Variants in ELFN1 observed in about 807,000 individuals in gnomAD.
The protein encoded by ELFN1 is extracellular leucine rich repeat and fibronectin type III domain containing 1.
In ELFN1, 6 loss-of-function variants were observed where a neutral mutation model predicts 7.6. The observed-to-expected ratio is 0.79, with a 90% confidence interval of 0.43 to 1.56. The LOEUF is 1.56. ELFN1 is among the 40% of genes most tolerant of loss of function. ELFN1 has a pLI of 0.01. For missense variants in ELFN1, 1,169 were observed against 1,232.2 expected (o/e 0.95, Z 0.77); for synonymous variants, 657 against 588.1 (o/e 1.12, Z -1.70).
intron 1 of ELFN1, among the ~76,000 whole-genome samples, chr7:1,676,642 C>T (rs183557773): frequency 3.9e-5 from 6 of 152,236 alleles, no homozygotes; most frequent in South Asian, 2.1e-4. Flanking sequence ...TCGGTCCCTG[C>T]GTCCCTCTGT....
At chr7:1,693,318 G>C (rs935416012) in intron 2 of ELFN1, 1 of 459,200 alleles carries the variant, frequency 2.2e-6, no homozygotes, top group Non-Finnish European at 4.6e-6. Context: ...GCCTCAGAAA[G>C]TGCCCGATTC....
At chr7:1,692,659 G>A (rs997387156) in intron 2 of ELFN1, among the ~76,000 whole-genome samples, 8 of 152,278 alleles carry the variant, frequency 5.3e-5, no homozygotes, top group Non-Finnish European at 1.2e-4. Context: ...CCTGCCGGCT[G>A]CACCTGCCCC....
At chr7:1,707,272 G>A (rs575843499) in intron 2 of ELFN1, among the ~76,000 whole-genome samples, 27 of 152,324 alleles carry the variant, frequency 1.8e-4, no homozygotes, top group South Asian at 1.2e-3. Flanking sequence ...CTGGAAATCC[G>A]CGTCCTGGCC....
At chr7:1,671,677 C>G (rs1205037300) in intron 1 of ELFN1, among the ~76,000 whole-genome samples, 4 of 152,258 alleles carry the variant, frequency 2.6e-5, no homozygotes, top group African/African-American at 9.6e-5. Context: ...TGAAAAGCAT[C>G]AACATGCTCC....
At position 1,744,794 on chromosome 7, in the gene ELFN1, G is replaced by T. The variant is rs1471526957; in HGVS notation, c.198G>T (p.Arg66=). Residue 66 remains arginine, a synonymous_variant, in exon 4 of 4, where the codon CGG becomes CGT. Transcript: ENST00000424383. ...QQINSTIVDL[R]LNENRIRSVQ... ...TCAACAGCACCATCGTGGACCTGCG[G>T]CTCAACGAGAACCGTATCCGCAGCG... is the stretch of plus-strand genomic sequence containing the variant. The T allele has an allele frequency of 1.3e-6, 2 of 1,557,170 alleles. No homozygotes were observed. The highest frequency in any genetic ancestry group is 2.7e-5 in the African/African-American group (2 of 73,396).
chr7:1,746,034 C>T lies in ELFN1; in HGVS notation c.1438C>T (p.Leu480=). The change falls in exon 4 of 4, where the codon CTG becomes TTG. Residue 480 remains leucine (L), a synonymous_variant. Transcript: ENST00000424383. ...CGGGCCAGAGCTGGAGGCGCCCGGC[C>T]TGGCCCCGCTGTCCCAGGGCCCGCT... ...KYGPELEAPG[L]APLSQGPLLG... 1.3e-6 allele frequency: 2 copies of T among 1,545,886 alleles called. No individual in the cohort carries two copies. Among genetic ancestry groups the T allele is most frequent in the Non-Finnish European group, 1.7e-6 (2 of 1,144,380 alleles).
intron 1 of ELFN1, among the ~76,000 whole-genome samples, chr7:1,684,321 T>G (rs1779025013): frequency 6.6e-6 from 1 of 152,222 alleles, no homozygotes; most frequent in African/African-American, 2.4e-5. Flanking sequence ...AGTATATATT[T>G]GGGTTGTTTC....
chr7:1,731,864 G>A (rs746782744), intron 3 of ELFN1, among the ~76,000 whole-genome samples: 26 of 152,182 alleles, frequency 1.7e-4, no homozygotes, highest in Non-Finnish European at 3.5e-4. Flanking sequence ...TGGCCAGGCT[G>A]GTCTGGAACT....
intron 1 of ELFN1, among the ~76,000 whole-genome samples, chr7:1,676,730 C>A (rs757035857): frequency 6.6e-6 from 1 of 152,210 alleles, no homozygotes; most frequent in East Asian, 1.9e-4. Flanking sequence ...AGCCGAGACA[C>A]GCTTCGTGTG....
intron 3 of ELFN1, among the ~76,000 whole-genome samples, chr7:1,732,017 A>G (rs780613761): frequency 3.3e-5 from 5 of 152,130 alleles, no homozygotes; most frequent in Admixed American, 1.3e-4. Context: ...TGCACTGCCT[A>G]CTCAGTGCCT....
chr7:1,668,409 A>C (rs115540573), upstream of ELFN1, among the ~76,000 whole-genome samples: 3,534 of 152,374 alleles, frequency 0.023, 137 homozygotes, highest in African/African-American at 0.081. Flanking sequence ...GCACTTGGCC[A>C]GCACAGGCCT....
chr7:1,666,891 A>G (rs10256087), upstream of ELFN1, among the ~76,000 whole-genome samples: 80,929 of 151,260 alleles, frequency 0.54, 22,495 homozygotes, highest in African/African-American at 0.69. The surrounding 1 kb of genome is among the most constrained non-coding windows in gnomAD (Gnocchi z 7.9). Flanking sequence ...GGCTCTGCCG[A>G]CCGCTGCGGA....
At position 1,747,033 on chromosome 7, in the gene ELFN1, C is replaced by T. The variant is rs1780824054; in HGVS notation, c.2437C>T (p.His813Tyr). ...KVQFAKDEDL[H>Y]DILDYWKGVS... ...TCAGTTCGCCAAAGACGAGGATCTG[C>T]ACGACATCCTGGACTACTGGAAGGG... Residue 813 changes from histidine to tyrosine, a missense_variant, in exon 4 of 4, where the codon CAC becomes TAC. By Grantham distance (83) the His-to-Tyr change is moderately conservative. Around this residue, in one of 2 missense-constraint regions of ELFN1, gnomAD observed 914 missense variants for 872.6 expected, o/e 1.05. Coordinates refer to ENST00000424383, the MANE Select transcript of ELFN1 (RefSeq NM_001128636.4). 6.4e-7 allele frequency: 1 copy of T among 1,552,084 alleles called. No homozygotes were observed. The highest frequency in any genetic ancestry group is 8.7e-7 in the Non-Finnish European group (1 of 1,147,290).
intron 3 of ELFN1, among the ~76,000 whole-genome samples, chr7:1,733,772 C>T (rs1484501607): frequency 6.6e-6 from 1 of 152,162 alleles, no homozygotes; most frequent in Non-Finnish European, 1.5e-5. Flanking sequence ...CCAGGAAACA[C>T]AGATTCAGTC....
chr7:1,734,857 C>T (rs1158490981), intron 3 of ELFN1, among the ~76,000 whole-genome samples: 1 of 152,076 alleles, frequency 6.6e-6, no homozygotes, highest in Non-Finnish European at 1.5e-5. Flanking sequence ...GCCACCACAC[C>T]CGGCAAATTT....
At chr7:1,741,479 A>T (rs1780612301) in intron 3 of ELFN1, among the ~76,000 whole-genome samples, 1 of 152,162 alleles carries the variant, frequency 6.6e-6, no homozygotes, top group Non-Finnish European at 1.5e-5. Flanking sequence ...AGCCTGATGG[A>T]GGAGGGCTCA....
intron 3 of ELFN1, among the ~76,000 whole-genome samples, chr7:1,725,948 G>A (rs191131912): frequency 2.1e-5 from 3 of 140,982 alleles, no homozygotes; most frequent in Admixed American, 6.8e-5. Flanking sequence ...AAATACACAC[G>A]CACAAAAGTC....
intron 3 of ELFN1, among the ~76,000 whole-genome samples, chr7:1,710,598 G>A (rs1469449813): frequency 6.6e-6 from 1 of 152,242 alleles, no homozygotes; most frequent in South Asian, 2.1e-4. Context: ...TCATGTTACA[G>A]GTGGGGAAAC....
Position 1,713,750 on chromosome 7 carries a change from GA to G in ELFN1, c.-294+4499del, listed in dbSNP as rs1336962224. On this transcript the variant is annotated intron_variant, in intron 3 of 3. Coordinates refer to ENST00000424383, the MANE Select transcript of ELFN1 (RefSeq NM_001128636.4). ...GTAGGTCTCGGTTTCCCTCTCTGGG[GA>G]GGGGGGGGCGATGTCCTTGCCAGCA... 1.3e-3 allele frequency among the ~76,000 whole-genome samples: 202 copies of G among 152,296 alleles called. 1 individual carries two copies. In the Middle Eastern group the frequency reaches 0.027, roughly 21 times the overall value.
Sources: allele counts gnomAD v4.1 joint callset (sites outside exome capture counted in the v4.1 genomes callset), GRCh38; gene constraint gnomAD v4.1.1; regional missense constraint gnomAD v4.1.1; non-coding constraint Gnocchi (gnomAD v3.1); transcripts MANE v1.5; gene names NCBI Gene and HGNC (gene_info 2026-07-23, HGNC 2026-07-21).